GRB2: variants seen among roughly 807,000 people sequenced by gnomAD.
GRB2 encodes the protein growth factor receptor-bound protein 2.
GRB2 carries 2 observed loss-of-function variants against 27.4 expected under a neutral mutation model. That is an observed-to-expected ratio of 0.07 (90% confidence interval 0.03 to 0.23). GRB2 has a LOEUF of 0.23. Ranked by LOEUF, GRB2 falls within the 10% of genes least tolerant of loss-of-function variation. The pLI, the probability that GRB2 is intolerant of heterozygous loss-of-function variation, is 1.00. For synonymous variants in GRB2, 94 were observed against 99.6 expected (o/e 0.94, Z 0.33); for missense variants, 102 against 282.4 (o/e 0.36, Z 4.58).
In GRB2 at chr17:75,397,874, C is replaced by T. The variant is rs944898687; in HGVS notation, c.-137-4109G>A. ...ATTTATTTTTTGAGACAGCATCTAGCTCTGTCGCCCAGGCTGGACTGCAGT... is the reference window on the plus strand; with the variant it reads ...ATTTATTTTTTGAGACAGCATCTAGTTCTGTCGCCCAGGCTGGACTGCAGT... On this transcript the variant is annotated intron_variant, in intron 1 of 5. Transcript: ENST00000316804. Among the ~76,000 whole-genome samples, 5 of 149,908 alleles carry T rather than the reference C, an allele frequency of 3.3e-5. No individual in the cohort carries two copies. The East Asian group carries it at 9.6e-4, about 29-fold the overall frequency.
chr17:75,337,449 G>C (rs1374363222), intron 2 of GRB2, among the ~76,000 whole-genome samples: 1 of 151,978 alleles, frequency 6.6e-6, no homozygotes, highest in Non-Finnish European at 1.5e-5. Flanking sequence ...TGAAGAGCTC[G>C]AGGTGGCAGA....
At chr17:75,397,296 C>G (rs2079034787) in intron 1 of GRB2, among the ~76,000 whole-genome samples, 3 of 152,142 alleles carry the variant, frequency 2.0e-5, no homozygotes, top group South Asian at 2.1e-4. Context: ...AGGAAGAAAT[C>G]TGAAAGCAGA....
intron 2 of GRB2, among the ~76,000 whole-genome samples, chr17:75,369,916 G>C (rs904356601): frequency 6.6e-6 from 1 of 151,800 alleles, no homozygotes; most frequent in Admixed American, 6.6e-5. Flanking sequence ...TGACTCTGAT[G>C]CAAATGTACC....
chr17:75,336,204 A>C (rs1005840903), intron 2 of GRB2, among the ~76,000 whole-genome samples: 6 of 152,234 alleles, frequency 3.9e-5, no homozygotes, highest in Non-Finnish European at 7.3e-5. Context: ...ACAGGCTTAT[A>C]AACAATATTT....
At chr17:75,364,620 C>T (rs1013628929) in intron 2 of GRB2, among the ~76,000 whole-genome samples, 1 of 151,968 alleles carries the variant, frequency 6.6e-6, no homozygotes, top group Non-Finnish European at 1.5e-5. Context: ...TAATGGACCC[C>T]CAAAGATCAT....
chr17:75,338,737 A>G (rs2078598973), intron 2 of GRB2: 1 of 522,530 alleles, frequency 1.9e-6, no homozygotes, highest in East Asian at 3.6e-5. Context: ...CCAAATCAGG[A>G]AGAAATTTAA....
intron 2 of GRB2, among the ~76,000 whole-genome samples, chr17:75,353,136 G>T (rs890619692): frequency 7.5e-5 from 11 of 146,940 alleles, no homozygotes; most frequent in African/African-American, 2.5e-4. Flanking sequence ...AGTGAGCCGA[G>T]ATCGCGCCAC....
intron 4 of GRB2, among the ~76,000 whole-genome samples, chr17:75,322,847 C>T (rs545914462): frequency 3.8e-4 from 58 of 152,128 alleles, no homozygotes; most frequent in African/African-American, 1.4e-3. Context: ...CGGCCGGATG[C>T]GGTGGCTCAT....
chr17:75,384,655 G>C (rs2078950724), intron 2 of GRB2, among the ~76,000 whole-genome samples: 1 of 152,044 alleles, frequency 6.6e-6, no homozygotes, highest in South Asian at 2.1e-4. Flanking sequence ...GGGCAACAGA[G>C]ACTCTTGTCT....
In GRB2 at chr17:75,325,887, G is replaced by C; in HGVS notation, c.299+11C>G. ...ACAGGATTCCAGGCAACTGCAGCAGGAAATACTTACTTGACAGAGAGGGAG... is the reference window on the plus strand; with the variant it reads ...ACAGGATTCCAGGCAACTGCAGCAGCAAATACTTACTTGACAGAGAGGGAG... On this transcript the variant is annotated intron_variant, in intron 4 of 5. Coordinates refer to ENST00000316804, the MANE Select transcript of GRB2 (RefSeq NM_002086.5). 1 of 1,613,218 alleles carries C rather than the reference G, an allele frequency of 6.2e-7. No homozygotes were observed.
intron 3 of GRB2, chr17:75,326,342 G>A (rs973552762): frequency 3.9e-5 from 12 of 305,752 alleles, no homozygotes; most frequent in Non-Finnish European, 6.2e-5. Flanking sequence ...TGACAAAGGC[G>A]CCTGGGGAAA....
intron 2 of GRB2, among the ~76,000 whole-genome samples, chr17:75,362,131 G>A (rs2078786709): frequency 6.6e-6 from 1 of 151,868 alleles, no homozygotes; most frequent in South Asian, 2.1e-4. Flanking sequence ...CAGTTTTAGA[G>A]ATGAGAAAAA....
At chr17:75,395,204 T>C (rs1216563807) in intron 1 of GRB2, among the ~76,000 whole-genome samples, 2 of 152,004 alleles carry the variant, frequency 1.3e-5, no homozygotes, top group African/African-American at 4.8e-5. Flanking sequence ...CCAAGATAAG[T>C]ATTATCAAAA....
chr17:75,355,976 G>A (rs1036455350), intron 2 of GRB2, among the ~76,000 whole-genome samples: 1 of 151,600 alleles, frequency 6.6e-6, no homozygotes, highest in Non-Finnish European at 1.5e-5. Flanking sequence ...GACTACAGAC[G>A]CACGCTGCCA....
Position 75,339,355 on chromosome 17 carries a change from G to A in GRB2, c.79-6558C>T, listed in dbSNP as rs191942780. 4.5e-4 allele frequency among the ~76,000 whole-genome samples: 68 copies of A among 151,706 alleles called. No homozygotes were observed. In the Middle Eastern group the frequency reaches 0.014, roughly 31 times the overall value. On this transcript the variant is annotated intron_variant, in intron 2 of 5. Transcript: ENST00000316804. ...ACTACAGGCGCCCGCCACCACGCCC[G>A]GCTATTTTTTTGTATTTTTAGTAGA... is the stretch of plus-strand genomic sequence containing the variant.
At chr17:75,377,418 C>T (rs1032781913) in intron 2 of GRB2, among the ~76,000 whole-genome samples, 6 of 151,428 alleles carry the variant, frequency 4.0e-5, no homozygotes, top group East Asian at 2.0e-4. Context: ...GCCATGAGTT[C>T]GAGATCAGCC....
At position 75,321,714 on chromosome 17, in the gene GRB2, G is replaced by A; in HGVS notation, c.413C>T (p.Thr138Ile). The change falls in exon 5 of 6, where the codon ACA becomes ATA. Residue 138 changes from threonine to isoleucine, a missense_variant. Around this residue, in one of 3 missense-constraint regions of GRB2, gnomAD observed 57 missense variants for 152.9 expected, o/e 0.37. Coordinates refer to ENST00000316804, the MANE Select transcript of GRB2 (RefSeq NM_002086.5). ...LNELVDYHRSTSVSRNQQIFL... is the reference protein window; with the variant it reads ...LNELVDYHRSISVSRNQQIFL... ...TATCTGCTGGTTTCTGGAGACAGATGTAGATCTGTGATAATCCACCAGCTC... is the reference window on the plus strand; with the variant it reads ...TATCTGCTGGTTTCTGGAGACAGATATAGATCTGTGATAATCCACCAGCTC... The A allele has an allele frequency of 6.2e-7, 1 of 1,613,682 alleles. No homozygotes were observed. Among genetic ancestry groups the A allele is most frequent in the Admixed American group, 1.7e-5 (1 of 60,018 alleles).
At chr17:75,365,422 T>C (rs890265449) in intron 2 of GRB2, among the ~76,000 whole-genome samples, 6 of 152,340 alleles carry the variant, frequency 3.9e-5, no homozygotes, top group African/African-American at 1.4e-4. Flanking sequence ...CTATAAATAA[T>C]GGTACAGAAA....
intron 2 of GRB2, among the ~76,000 whole-genome samples, chr17:75,391,699 TCGG>T (rs2078999635): frequency 6.6e-6 from 1 of 150,860 alleles, no homozygotes; most frequent in Non-Finnish European, 1.5e-5. Context: ...TCCCGGCTAC[TCGG>T]GAGGCTGAGG....
Sources: gnomAD v4.1 joint callset for allele counts (sites outside exome capture counted in the v4.1 genomes callset) on GRCh38, gnomAD v4.1.1 for gene constraint, gnomAD v4.1.1 regional missense constraint, MANE v1.5 for transcripts, NCBI Gene and HGNC (gene_info 2026-07-23, HGNC 2026-07-21) for gene names.